The following CLIP2 variants were observed in gnomAD, a reference collection of about 807,000 sequenced individuals.
CLIP2 encodes the protein CAP-Gly domain containing linker protein 2.
In CLIP2, 41 loss-of-function variants were observed where a neutral mutation model predicts 111.7. The ratio of observed to expected loss-of-function variants is 0.37; its 90% CI spans 0.29 to 0.48. CLIP2 has a LOEUF of 0.48. Ranked by LOEUF, CLIP2 falls within the 20% of genes least tolerant of loss-of-function variation. The pLI, the probability that CLIP2 is intolerant of heterozygous loss-of-function variation, is 0.99. For synonymous variants in CLIP2, 660 were observed against 644.2 expected (o/e 1.02, Z -0.37); for missense variants, 1,160 against 1,422.1 (o/e 0.82, Z 2.96).
At chr7:74,349,470 G>GTATATATATATA (rs1158400867) in intron 3 of CLIP2, among the ~76,000 whole-genome samples, 20 of 33,776 alleles carry the variant, frequency 5.9e-4, no homozygotes, top group East Asian at 2.6e-3. Context: ...GTGTGTGTGT[G>GTATATATATATA]TATATATATA....
At chr7:74,373,617 A>G (rs577093867) in intron 9 of CLIP2, among the ~76,000 whole-genome samples, 61 of 152,282 alleles carry the variant, frequency 4.0e-4, no homozygotes, top group African/African-American at 1.5e-3. Flanking sequence ...TTATTGCCCC[A>G]GCAGCTGAGA....
chr7:74,299,271 G>A (rs1235878625), intron 1 of CLIP2, among the ~76,000 whole-genome samples: 1 of 152,026 alleles, frequency 6.6e-6, no homozygotes, highest in Non-Finnish European at 1.5e-5. Flanking sequence ...GCTGCAGTGA[G>A]CTGTGATTGT....
chr7:74,403,073 T>C (rs1584399232), intron 16 of CLIP2, among the ~76,000 whole-genome samples: 1 of 149,034 alleles, frequency 6.7e-6, no homozygotes, highest in East Asian at 2.0e-4. Flanking sequence ...AAAAAAATCA[T>C]CTGGGTGTGG....
chr7:74,300,040 G>A (rs1584304074), intron 1 of CLIP2, among the ~76,000 whole-genome samples: 1 of 151,416 alleles, frequency 6.6e-6, no homozygotes, highest in South Asian at 2.1e-4. Context: ...AGGTTGGAGT[G>A]CAGTGGCACG....
chr7:74,311,807 G>T (rs549056686), intron 1 of CLIP2, among the ~76,000 whole-genome samples: 68 of 152,120 alleles, frequency 4.5e-4, no homozygotes, highest in Admixed American at 1.4e-3. Context: ...AGCTATCCAG[G>T]AGGCTGAGAC....
rs150425339 is a variant in CLIP2, at chr7:74,366,384, G to A, written c.1380+2069G>A. Among the ~76,000 whole-genome samples the A allele has an allele frequency of 1.4e-3, 210 of 152,264 alleles. 2 individuals are homozygous for A. The highest frequency in any genetic ancestry group is 4.9e-3 in the African/African-American group (203 of 41,562). ...TCACCCTGAGAGCTTCCAGTCTGTG[G>A]CCTCCATGCCCTGGAATGAGCCCCT... On this transcript the variant is annotated intron_variant, in intron 8 of 16. Transcript: ENST00000223398.
intron 10 of CLIP2, 105 bp from the exon 11 acceptor site, chr7:74,380,701 T>A: frequency 1.2e-6 from 1 of 857,266 alleles, no homozygotes; most frequent in Non-Finnish European, 1.8e-6. Flanking sequence ...AGGTCCCCCT[T>A]TGTAGGAGTA....
Position 74,401,398 on chromosome 7 carries a change from G to T in CLIP2, c.3067-107G>T, listed in dbSNP as rs1477177032. On this transcript the variant is annotated intron_variant, in intron 15 of 16. Transcript: ENST00000223398. ...TGGGAGCCCCAGGCTGAAGGGGTTG[G>T]AATTTGGAGCCTGAGACGGTCCCAT... The T allele has an allele frequency of 8.3e-6, 9 of 1,084,542 alleles. No individual in the cohort carries two copies. In the East Asian group the frequency reaches 2.1e-4, roughly 25 times the overall value. The allele number at this position is 1,084,542 out of a possible 1,614,324, so 67.2% of individuals were successfully genotyped here.
intron 1 of CLIP2, among the ~76,000 whole-genome samples, chr7:74,292,375 A>G (rs1156291028): frequency 6.6e-6 from 1 of 152,080 alleles, no homozygotes; most frequent in African/African-American, 2.4e-5. Flanking sequence ...TTAAGTGCTT[A>G]CTTTGTGGAG....
chr7:74,402,858 C>A (rs1791659423), intron 16 of CLIP2, among the ~76,000 whole-genome samples: 2 of 152,044 alleles, frequency 1.3e-5, no homozygotes, highest in African/African-American at 2.4e-5. Context: ...GTGATTTTGT[C>A]CTCCTGGCCT....
intron 2 of CLIP2, among the ~76,000 whole-genome samples, chr7:74,337,765 A>G (rs550781691): frequency 1.2e-3 from 184 of 151,774 alleles, no homozygotes; most frequent in Non-Finnish European, 2.0e-3. Context: ...CTGGCTAATT[A>G]TTTTATTTTT....
intron 1 of CLIP2, among the ~76,000 whole-genome samples, chr7:74,303,518 C>T (rs919472124): frequency 1.3e-5 from 2 of 151,762 alleles, no homozygotes; most frequent in Admixed American, 1.3e-4. Flanking sequence ...TTTTGGGGTC[C>T]TCTCTGTTGG....
rs1554313019 is a variant in CLIP2 at position 74,376,746 on chromosome 7, G to A, written c.2345G>A (p.Ser782Asn). The A allele has an allele frequency of 1.2e-6, 2 of 1,612,514 alleles. No individual in the cohort carries two copies. The highest frequency in any genetic ancestry group is 1.6e-4 in the Middle Eastern group (1 of 6,062). The change falls in exon 10 of 17, where the codon AGT (serine) becomes AAT (asparagine). Residue 782 changes from serine (S) to asparagine (N), a missense_variant. Coordinates refer to ENST00000223398, the MANE Select transcript of CLIP2 (RefSeq NM_003388.5). The surrounding 1 kb of genome is among the most constrained non-coding windows in gnomAD (Gnocchi z 7.1). ...GCCCAGGGCAAACAGGAGGTCGAGAGTTTGCGGGAGAAGCTCCTGGTGGCT... is the reference window on the plus strand; with the variant it reads ...GCCCAGGGCAAACAGGAGGTCGAGAATTTGCGGGAGAAGCTCCTGGTGGCT... ...AEAQGKQEVE[S>N]LREKLLVAEN...
intron 1 of CLIP2, among the ~76,000 whole-genome samples, chr7:74,291,011 G>T (rs1787999970): frequency 6.6e-6 from 1 of 152,204 alleles, no homozygotes; most frequent in African/African-American, 2.4e-5. Context: ...GCCTGAAGGG[G>T]GTTTCGTGCA....
intron 14 of CLIP2, among the ~76,000 whole-genome samples, chr7:74,397,947 G>A (rs1201207888): frequency 2.0e-5 from 3 of 151,588 alleles, no homozygotes; most frequent in Non-Finnish European, 4.4e-5. Context: ...GATTACAGGT[G>A]TCAGCCACTG....
intron 1 of CLIP2, among the ~76,000 whole-genome samples, chr7:74,305,938 G>A (rs574357595): frequency 1.3e-5 from 2 of 148,590 alleles, no homozygotes; most frequent in South Asian, 4.3e-4. Context: ...TCTGATTGTG[G>A]GGGACCCCTG....
chr7:74,400,521 T>TGGA lies in CLIP2; in HGVS notation c.3035_3037dup (p.Glu1012dup), dbSNP rs1554317388. On this transcript the variant is annotated inframe_insertion, in exon 15 of 17. Coordinates refer to ENST00000223398, the MANE Select transcript of CLIP2 (RefSeq NM_003388.5). Reference sequence around the variant, plus strand: ...CAGGCTCAGCAGGTGGAGAAGCTGATGGAGGCCATGAGGAGCTGCCCTGAC... The same window carrying TGGA: ...CAGGCTCAGCAGGTGGAGAAGCTGATGGAGGAGGCCATGAGGAGCTGCCCTGAC... The TGGA allele has an allele frequency of 6.2e-7, 1 of 1,604,908 alleles. No homozygotes were observed. The highest frequency in any genetic ancestry group is 1.7e-5 in the Admixed American group (1 of 58,222).
chr7:74,368,695 T>C (rs1170200048), intron 8 of CLIP2, among the ~76,000 whole-genome samples: 2 of 152,110 alleles, frequency 1.3e-5, no homozygotes, highest in African/African-American at 4.8e-5. Flanking sequence ...TCCTCCAAAG[T>C]CCATTCTCCA....
chr7:74,400,291 CTTTCCTGCCTAGAGTTGAGACGCCCACCA>C (rs1459100700), intron 14 of CLIP2, 50 bp from the exon 15 acceptor site: 5 of 1,277,234 alleles, frequency 3.9e-6, no homozygotes, highest in Non-Finnish European at 5.4e-6. Flanking sequence ...GGCTGGAAGA[CTTTCCTGCCTAGAGTTGAGACGCCCACCA>C]ACACACACAC....
Sources: allele counts gnomAD v4.1 joint callset (sites outside exome capture counted in the v4.1 genomes callset), GRCh38; gene constraint gnomAD v4.1.1; non-coding constraint Gnocchi (gnomAD v3.1); transcripts MANE v1.5; gene names NCBI Gene and HGNC (gene_info 2026-07-23, HGNC 2026-07-21).